The following PPARGC1A variants were observed in gnomAD, a reference collection of about 807,000 sequenced individuals.
PPARGC1A encodes peroxisome proliferator-activated receptor gamma coactivator 1-alpha.
In PPARGC1A, 25 loss-of-function variants were observed where a neutral mutation model predicts 88.7. That is an observed-to-expected ratio of 0.28 (90% CI 0.21 to 0.39). The LOEUF (loss-of-function observed/expected upper bound fraction) is 0.39, where lower values mean the gene tolerates loss of function less well. Among genes scored for constraint, PPARGC1A ranks in the 10% least tolerant of loss-of-function variants. The pLI is 1.00. For synonymous variants in PPARGC1A, 363 were observed against 355.6 expected, an observed-to-expected ratio of 1.02 and a Z score of -0.24; for missense variants, 880 against 968.7, an observed-to-expected ratio of 0.91 and a Z score of 1.22.
chr4:23,939,283 GTGC>G, the PPARGC1A span, among the ~76,000 whole-genome samples: 1 of 151,892 alleles, frequency 6.6e-6, no homozygotes, highest in Non-Finnish European at 1.5e-5. Flanking sequence ...ACATTTTTCT[GTGC>G]TGTTTTAAAA....
At chr4:23,970,333 C>A in the PPARGC1A span, among the ~76,000 whole-genome samples, 2 of 152,194 alleles carry the variant, frequency 1.3e-5, no homozygotes, top group Admixed American at 6.5e-5. Flanking sequence ...TGGGCTTTAC[C>A]ACTAGAGCTG....
the PPARGC1A span, among the ~76,000 whole-genome samples, chr4:24,314,588 T>G: frequency 6.6e-6 from 1 of 152,154 alleles, no homozygotes; most frequent in Non-Finnish European, 1.5e-5. Context: ...ACAAATGGAC[T>G]AAGACAATCT....
chr4:24,203,200 C>T, the PPARGC1A span, among the ~76,000 whole-genome samples: 3 of 152,068 alleles, frequency 2.0e-5, no homozygotes, highest in Non-Finnish European at 4.4e-5. Context: ...GGTAGTGGAT[C>T]GCCAGGCAAG....
At chr4:24,213,318 C>T in the PPARGC1A span, among the ~76,000 whole-genome samples, 1 of 151,978 alleles carries the variant, frequency 6.6e-6, no homozygotes, top group Admixed American at 6.6e-5. Flanking sequence ...AGGCGCCCAC[C>T]ACCCGGCCCG....
chr4:24,027,693 G>T, the PPARGC1A span, among the ~76,000 whole-genome samples: 1 of 152,116 alleles, frequency 6.6e-6, no homozygotes, highest in Non-Finnish European at 1.5e-5. Flanking sequence ...AATGAACAAT[G>T]TGTATGGAAA....
At chr4:24,281,433 G>A in the PPARGC1A span, among the ~76,000 whole-genome samples, 1 of 152,164 alleles carries the variant, frequency 6.6e-6, no homozygotes, top group Non-Finnish European at 1.5e-5. Context: ...CTCACAGAGA[G>A]AAGAGTGAGG....
chr4:24,054,050 T>G, the PPARGC1A span, among the ~76,000 whole-genome samples: 1 of 152,162 alleles, frequency 6.6e-6, no homozygotes, highest in Non-Finnish European at 1.5e-5. Flanking sequence ...CATTATGGCT[T>G]CCCTGGATTA....
At chr4:23,829,251 TCCAAACAC>T (rs1344590962) in intron 4 of PPARGC1A, among the ~76,000 whole-genome samples, 1 of 152,176 alleles carries the variant, frequency 6.6e-6, no homozygotes, top group Non-Finnish European at 1.5e-5. Flanking sequence ...GCACTTCCAT[TCCAAACAC>T]CCAAAGACGA....
intron 5 of PPARGC1A, among the ~76,000 whole-genome samples, chr4:23,827,908 G>A (rs533802680): frequency 6.6e-6 from 1 of 151,790 alleles, no homozygotes; most frequent in Non-Finnish European, 1.5e-5. Context: ...GAGGGAGAAA[G>A]AAGAAGAAAG....
chr4:24,145,026 C>A, the PPARGC1A span, among the ~76,000 whole-genome samples: 108 of 151,022 alleles, frequency 7.2e-4, no homozygotes, highest in African/African-American at 2.6e-3. Flanking sequence ...TGACTCCATA[C>A]CCTTCTGCAG....
chr4:24,041,632 C>T, the PPARGC1A span, among the ~76,000 whole-genome samples: 41 of 152,260 alleles, frequency 2.7e-4, no homozygotes, highest in Middle Eastern at 0.014. Context: ...TTACACACCC[C>T]TTTGAAAGCC....
the PPARGC1A span, among the ~76,000 whole-genome samples, chr4:24,114,247 T>C: frequency 6.6e-6 from 1 of 151,658 alleles, no homozygotes; most frequent in Non-Finnish European, 1.5e-5. Context: ...ACTGATACAG[T>C]GAACCACTGT....
At chr4:23,854,026 A>G (rs1729762157) in intron 2 of PPARGC1A, among the ~76,000 whole-genome samples, 1 of 152,220 alleles carries the variant, frequency 6.6e-6, no homozygotes. Flanking sequence ...TAAAGTGCTT[A>G]GAATACTGCC....
At chr4:24,117,726 A>G in the PPARGC1A span, among the ~76,000 whole-genome samples, 39 of 151,990 alleles carry the variant, frequency 2.6e-4, no homozygotes, top group Non-Finnish European at 4.3e-4. Context: ...GACCCTGTGG[A>G]ATGGAAAAGT....
chr4:24,141,772 C>T, the PPARGC1A span, among the ~76,000 whole-genome samples: 1 of 152,192 alleles, frequency 6.6e-6, no homozygotes, highest in Non-Finnish European at 1.5e-5. Context: ...AGAGAGCAAG[C>T]TGCATCTCTC....
rs1318848241 is a variant in PPARGC1A, at chr4:23,793,259, A to C, written c.*2563T>G. On this transcript the variant is annotated 3_prime_UTR_variant, in exon 13 of 13. Transcript: ENST00000264867. ...CTTTAGTTTGGCGTTCACACAGTTA[A>C]AATACCTGCATTTAACCTACAGAAC... 3.3e-5 allele frequency: 5 copies of C among 152,544 alleles called. No homozygotes were observed. The Admixed American group carries it at 3.3e-4, about 10-fold the overall frequency. 9.4% of individuals were successfully genotyped at this position (152,544 alleles called of 1,614,324 possible). A position where few individuals can be genotyped will look rare whatever the true frequency, so the allele number is the denominator to read the frequency against.
At chr4:23,947,383 A>ATATATT in the PPARGC1A span, among the ~76,000 whole-genome samples, 3 of 10,502 alleles carry the variant, frequency 2.9e-4, no homozygotes, top group Non-Finnish European at 9.2e-4. Flanking sequence ...ATATATATAT[A>ATATATT]TATATATATA....
At position 23,829,501 on chromosome 4, in the gene PPARGC1A, G is replaced by C. The variant is rs144933609; in HGVS notation, c.514C>G (p.His172Asp). The C allele has an allele frequency of 1.2e-5, 19 of 1,613,602 alleles. No homozygotes were observed. In the African/African-American group the frequency reaches 1.3e-4, roughly 11 times the overall value. Residue 172 changes from histidine (H) to aspartate (D), a missense_variant, in exon 4 of 13, where the codon CAC (histidine) becomes GAC (aspartate). Transcript: ENST00000264867. ...GGGTTTGTTCTGATCCTGTGATTGT[G>C]ATTTGCATGGTTCTGGGTACTGAGA... is the stretch of plus-strand genomic sequence containing the variant. ...SGLSTQNHAN[H>D]NHRIRTNPAI...
the PPARGC1A span, among the ~76,000 whole-genome samples, chr4:24,418,324 G>A: frequency 1.3e-5 from 2 of 151,978 alleles, no homozygotes; most frequent in South Asian, 2.1e-4. Context: ...TATTACATTC[G>A]CTACATCAAG....
Sources: gnomAD v4.1 joint callset for allele counts (sites outside exome capture counted in the v4.1 genomes callset) on GRCh38, gnomAD v4.1.1 for gene constraint, MANE v1.5 for transcripts, NCBI Gene and HGNC (gene_info 2026-07-23, HGNC 2026-07-21) for gene names.